The following CNTN4 variants were observed in gnomAD, a reference collection of about 807,000 sequenced individuals.
CNTN4 encodes contactin 4.
A neutral mutation model predicts 122.5 loss-of-function variants in CNTN4; 77 were observed. The ratio of observed to expected loss-of-function variants is 0.63; its 90% CI spans 0.52 to 0.76. The LOEUF (loss-of-function observed/expected upper bound fraction) is 0.76, where lower values mean the gene tolerates loss of function less well. Among genes scored for constraint, CNTN4 ranks in the 30% least tolerant of loss-of-function variants. The pLI is 0.00. For synonymous variants in CNTN4, 512 were observed against 447.0 expected, an observed-to-expected ratio of 1.15 and a Z score of -1.83; for missense variants, 1,256 against 1,259.1, an observed-to-expected ratio of 1.00 and a Z score of 0.04.
chr3:2,165,876 T>G lies in CNTN4; in HGVS notation c.-145+65237T>G, dbSNP rs146027216. On this transcript the variant is annotated intron_variant, in intron 2 of 24. Coordinates refer to ENST00000418658, the MANE Select transcript of CNTN4 (RefSeq NM_175607.3). ...CAACTGGCAGAATTTTTTTTAAGAC[T>G]GAAAAATGTTCAGCTGTGTGGAATA... Among the ~76,000 whole-genome samples, 757 of 152,264 alleles carry G rather than the reference T, an allele frequency of 5.0e-3. 5 individuals are homozygous for G. The highest frequency in any genetic ancestry group is 0.017 in the African/African-American group (726 of 41,538).
chr3:2,431,805 A>G (rs2048082436), intron 3 of CNTN4, among the ~76,000 whole-genome samples: 1 of 152,202 alleles, frequency 6.6e-6, no homozygotes. Flanking sequence ...AGTTTTCCTG[A>G]GGAAGGAATT....
chr3:2,653,820 A>C (rs892196895), intron 4 of CNTN4, among the ~76,000 whole-genome samples: 1 of 152,200 alleles, frequency 6.6e-6, no homozygotes, highest in African/African-American at 2.4e-5. Context: ...ATTGTTTTGC[A>C]GCTTTCTCTT....
chr3:2,151,556 A>G (rs2035495237), intron 2 of CNTN4, among the ~76,000 whole-genome samples: 3 of 152,058 alleles, frequency 2.0e-5, no homozygotes, highest in South Asian at 2.1e-4. Context: ...AATGTTTTGC[A>G]TAGTTGTCCT....
intron 6 of CNTN4, among the ~76,000 whole-genome samples, chr3:2,755,009 T>C (rs1298701671): frequency 3.3e-5 from 5 of 152,086 alleles, no homozygotes; most frequent in African/African-American, 2.4e-5. Context: ...GTGGTAGTGG[T>C]AGTGGTGGTG....
chr3:2,225,873 G>C (rs1020461413), intron 2 of CNTN4, among the ~76,000 whole-genome samples: 4 of 152,288 alleles, frequency 2.6e-5, no homozygotes, highest in African/African-American at 9.6e-5. Flanking sequence ...AGGGGATAGA[G>C]TGACCCTGCT....
chr3:3,037,454 GT>G, intron 18 of CNTN4, 126 bp downstream of exon 18: 1 of 1,314,368 alleles, frequency 7.6e-7, no homozygotes, highest in Non-Finnish European at 1.1e-6. Context: ...CCCTTTAAAT[GT>G]TTATAATGAT....
intron 2 of CNTN4, among the ~76,000 whole-genome samples, chr3:2,310,394 T>A (rs1280719763): frequency 6.6e-6 from 1 of 152,184 alleles, no homozygotes; most frequent in Non-Finnish European, 1.5e-5. Context: ...CAGTACAGCA[T>A]GCACAAGGGA....
intron 4 of CNTN4, among the ~76,000 whole-genome samples, chr3:2,581,488 CA>C (rs2079934503): frequency 6.6e-6 from 1 of 152,128 alleles, no homozygotes; most frequent in Non-Finnish European, 1.5e-5. Flanking sequence ...CTGACATAAA[CA>C]AAGCTGGACT....
chr3:2,658,340 C>T (rs1226980707), intron 4 of CNTN4, among the ~76,000 whole-genome samples: 1 of 152,022 alleles, frequency 6.6e-6, no homozygotes. Flanking sequence ...CACTTCAAAC[C>T]GTCTGTGAGC....
At chr3:2,535,293 A>AT (rs1369638333) in intron 3 of CNTN4, among the ~76,000 whole-genome samples, 1 of 152,102 alleles carries the variant, frequency 6.6e-6, no homozygotes, top group East Asian at 1.9e-4. Flanking sequence ...TTCTAAAGCT[A>AT]TGACTTTCTG....
chr3:2,455,273 A>G (rs2048957489), intron 3 of CNTN4, among the ~76,000 whole-genome samples: 1 of 152,164 alleles, frequency 6.6e-6, no homozygotes, highest in Non-Finnish European at 1.5e-5. Flanking sequence ...GCTTAATAAT[A>G]ACCATTATTC....
rs1055557035 is a variant in CNTN4 at position 2,407,376 on chromosome 3, AT to A, written c.-89+68153del. On this transcript the variant is annotated intron_variant, in intron 3 of 24. Coordinates refer to ENST00000418658, the MANE Select transcript of CNTN4 (RefSeq NM_175607.3). ...GACATACTTCTAGGTTTTTAAAGGAATTTTTTTTTTCTTTTTGTTTTTGTTT... is the reference window on the plus strand; with the variant it reads ...GACATACTTCTAGGTTTTTAAAGGAATTTTTTTTTCTTTTTGTTTTTGTTT... 2.1e-3 allele frequency among the ~76,000 whole-genome samples: 317 copies of A among 150,786 alleles called. 2 individuals are homozygous for A. The highest frequency in any genetic ancestry group is 6.2e-3 in the African/African-American group (255 of 41,086).
In CNTN4 at chr3:3,039,066, A is replaced by G. The variant is rs895644433; in HGVS notation, c.2163+63A>G. The G allele has an allele frequency of 1.7e-5, 24 of 1,393,178 alleles. No homozygotes were observed. In the South Asian group the frequency reaches 2.6e-4, roughly 15 times the overall value. The allele number at this position is 1,393,178 out of a possible 1,614,324, so 86.3% of individuals were successfully genotyped here. On this transcript the variant is annotated intron_variant, in intron 19 of 24. Transcript: ENST00000418658. Reference sequence around the variant, plus strand: ...CGAAGCTATTTTATTATTTTCCTCCATGTTAGACATAGCTGGGAAGTTTCC... The same window carrying G: ...CGAAGCTATTTTATTATTTTCCTCCGTGTTAGACATAGCTGGGAAGTTTCC...
At chr3:2,537,090 C>A (rs1357380890) in intron 3 of CNTN4, among the ~76,000 whole-genome samples, 1 of 152,034 alleles carries the variant, frequency 6.6e-6, no homozygotes, top group Non-Finnish European at 1.5e-5. Context: ...CGAAAAGATG[C>A]AGTAGATTTC....
At chr3:2,853,265 G>T (rs185325929) in intron 7 of CNTN4, among the ~76,000 whole-genome samples, 2 of 152,066 alleles carry the variant, frequency 1.3e-5, no homozygotes, top group Non-Finnish European at 2.9e-5. Flanking sequence ...TTGTTTTTGA[G>T]ACGGAGTCTC....
At chr3:2,216,309 T>G (rs1575100861) in intron 2 of CNTN4, among the ~76,000 whole-genome samples, 1 of 152,150 alleles carries the variant, frequency 6.6e-6, no homozygotes, top group African/African-American at 2.4e-5. Context: ...ACCACATGTT[T>G]TCACTTATAA....
intron 7 of CNTN4, among the ~76,000 whole-genome samples, chr3:2,848,091 TA>T (rs536104597): frequency 6.6e-6 from 1 of 151,678 alleles, no homozygotes. Flanking sequence ...CTACTAAGAA[TA>T]AAAAAAATAT....
intron 14 of CNTN4, among the ~76,000 whole-genome samples, chr3:2,993,948 G>C (rs1435654267): frequency 6.6e-6 from 1 of 152,106 alleles, no homozygotes; most frequent in Non-Finnish European, 1.5e-5. Context: ...AAAATCCAGA[G>C]GAGAGATAAT....
intron 13 of CNTN4, among the ~76,000 whole-genome samples, chr3:2,979,997 C>A (rs901941497): frequency 6.6e-6 from 1 of 151,958 alleles, no homozygotes; most frequent in East Asian, 1.9e-4. Flanking sequence ...TTACTAAAGA[C>A]CCCCCCAAAA....
Sources: allele counts gnomAD v4.1 joint callset (sites outside exome capture counted in the v4.1 genomes callset), GRCh38; gene constraint gnomAD v4.1.1; transcripts MANE v1.5; gene names NCBI Gene and HGNC (gene_info 2026-07-23, HGNC 2026-07-21).